The following ZFHX3 variants were observed in gnomAD, a reference collection of about 807,000 sequenced individuals.
The protein encoded by ZFHX3 is zinc finger homeobox 3.
Under a neutral mutation model 279.1 loss-of-function variants are expected in ZFHX3, and 42 were observed. The observed-to-expected ratio is 0.15, with a 90% CI of 0.12 to 0.19. ZFHX3 has a LOEUF of 0.19. Among genes scored for constraint, ZFHX3 ranks in the 10% least tolerant of loss-of-function variants. The pLI is 1.00. For missense variants in ZFHX3, 4,981 were observed against 4,754.0 expected, an observed-to-expected ratio of 1.05 and a Z score of -1.40; for synonymous variants, 2,293 against 1,957.8, an observed-to-expected ratio of 1.17 and a Z score of -4.52.
At chr16:73,214,341 A>G (rs1028291103) in intron 5 of ZFHX3, among the ~76,000 whole-genome samples, 5 of 152,164 alleles carry the variant, frequency 3.3e-5, no homozygotes, top group African/African-American at 1.2e-4. Context: ...AGTGTGAGCT[A>G]TGGGGTGCCC....
chr16:72,979,118 G>A (rs891177309), intron 1 of ZFHX3, among the ~76,000 whole-genome samples: 1 of 152,028 alleles, frequency 6.6e-6, no homozygotes, highest in African/African-American at 2.4e-5. Context: ...AGAGAGCGTG[G>A]AGCACATGTG....
intron 1 of ZFHX3, among the ~76,000 whole-genome samples, chr16:73,853,533 A>T (rs1286816701): frequency 6.6e-6 from 1 of 152,248 alleles, no homozygotes; most frequent in African/African-American, 2.4e-5. Flanking sequence ...TTGCAGCAAC[A>T]TGGATGGAAC....
chr16:73,819,321 G>C (rs985666064), intron 1 of ZFHX3, among the ~76,000 whole-genome samples: 4 of 150,608 alleles, frequency 2.7e-5, no homozygotes, highest in Non-Finnish European at 4.4e-5. Context: ...ATCATCTCTA[G>C]TTTCTGCCTA....
chr16:73,513,137 A>G (rs1262840752), intron 2 of ZFHX3, among the ~76,000 whole-genome samples: 1 of 152,194 alleles, frequency 6.6e-6, no homozygotes, highest in Non-Finnish European at 1.5e-5. Flanking sequence ...CTCTGCACAT[A>G]GATGAAAAGC....
At chr16:73,383,023 AG>A (rs1171095458) in intron 3 of ZFHX3, among the ~76,000 whole-genome samples, 1 of 152,200 alleles carries the variant, frequency 6.6e-6, no homozygotes. Flanking sequence ...CTGAGAAGGA[AG>A]GGGGATCCTA....
chr16:73,623,271 C>G (rs1276776473), intron 2 of ZFHX3, among the ~76,000 whole-genome samples: 3 of 152,108 alleles, frequency 2.0e-5, no homozygotes, highest in Admixed American at 2.0e-4. Flanking sequence ...CTCCTGACCT[C>G]GTGATCCGCC....
chr16:73,391,797 C>T (rs2017017660), intron 3 of ZFHX3, among the ~76,000 whole-genome samples: 2 of 152,050 alleles, frequency 1.3e-5, no homozygotes, highest in Non-Finnish European at 2.9e-5. Context: ...CATAAGAAGA[C>T]AAAATTAGTA....
At chr16:73,302,900 G>C (rs2015089505) in intron 4 of ZFHX3, among the ~76,000 whole-genome samples, 1 of 152,208 alleles carries the variant, frequency 6.6e-6, no homozygotes, top group Non-Finnish European at 1.5e-5. Flanking sequence ...TATTTGCTTT[G>C]AGCAGGTGGC....
At chr16:73,321,878 A>G (rs2143199261) in intron 3 of ZFHX3, among the ~76,000 whole-genome samples, 1 of 152,352 alleles carries the variant, frequency 6.6e-6, no homozygotes, top group Middle Eastern at 3.4e-3. Flanking sequence ...TGAGAGAGAA[A>G]GAGGGAAACC....
chr16:73,176,776 T>G (rs997350886), intron 5 of ZFHX3, among the ~76,000 whole-genome samples: 2 of 152,038 alleles, frequency 1.3e-5, no homozygotes, highest in African/African-American at 4.8e-5. Flanking sequence ...GTCTTCTTCT[T>G]GATGTGCTGG....
chr16:73,205,765 A>G (rs981578223), intron 5 of ZFHX3, among the ~76,000 whole-genome samples: 1 of 152,246 alleles, frequency 6.6e-6, no homozygotes, highest in Non-Finnish European at 1.5e-5. Flanking sequence ...CATCATTCTA[A>G]AAGAGATCAT....
intron 2 of ZFHX3, among the ~76,000 whole-genome samples, chr16:73,660,441 A>T (rs2052769525): frequency 6.6e-6 from 1 of 152,194 alleles, no homozygotes; most frequent in Admixed American, 6.5e-5. Context: ...CACAGAAGAA[A>T]ATGGTTTTTA....
intron 1 of ZFHX3, among the ~76,000 whole-genome samples, chr16:73,016,205 G>T (rs1418898443): frequency 2.0e-5 from 3 of 152,126 alleles, no homozygotes; most frequent in Non-Finnish European, 4.4e-5. Flanking sequence ...ACTCCTGCAT[G>T]TTTGTTGCCA....
intron 1 of ZFHX3, among the ~76,000 whole-genome samples, chr16:73,002,296 G>A (rs1384675562): frequency 6.6e-6 from 1 of 152,098 alleles, no homozygotes; most frequent in Non-Finnish European, 1.5e-5. Context: ...TTCTCTTTTG[G>A]CACACCAAGA....
At chr16:73,855,703 A>G (rs769435968) in intron 1 of ZFHX3, among the ~76,000 whole-genome samples, 1 of 152,240 alleles carries the variant, frequency 6.6e-6, no homozygotes, top group Non-Finnish European at 1.5e-5. Context: ...TAGGACTTAA[A>G]GAACAAAACT....
chr16:73,489,836 T>A (rs2019030309), intron 2 of ZFHX3, among the ~76,000 whole-genome samples: 4 of 152,194 alleles, frequency 2.6e-5, no homozygotes. Flanking sequence ...AAGCTCATAG[T>A]AATTGTAACA....
rs1422456774 is a variant in ZFHX3, at chr16:73,472,390, G to A, written c.-1546-16132C>T. The stretch of plus-strand genomic sequence containing the variant: ...TGGCTTGGTAAAACTAAGAAACTCA[G>A]TACTGGCAGGCTGTTGCCCATGCTG... On this transcript the variant is annotated intron_variant, in intron 2 of 17. Transcript: ENST00000641206. 3.3e-5 allele frequency among the ~76,000 whole-genome samples: 5 copies of A among 152,020 alleles called. No individual in the cohort carries two copies. The East Asian group carries it at 7.7e-4, about 23-fold the overall frequency.
chr16:73,457,823 A>G (rs1324372483), intron 2 of ZFHX3, among the ~76,000 whole-genome samples: 1 of 152,238 alleles, frequency 6.6e-6, no homozygotes, highest in Non-Finnish European at 1.5e-5. Context: ...TACCTACTTC[A>G]TGGTGATGAC....
chr16:73,816,456 G>T (rs2142343156), intron 1 of ZFHX3, among the ~76,000 whole-genome samples: 1 of 152,232 alleles, frequency 6.6e-6, no homozygotes, highest in Non-Finnish European at 1.5e-5. Flanking sequence ...TTGGAACACA[G>T]CCACTCATTC....
Sources: allele counts gnomAD v4.1 joint callset (sites outside exome capture counted in the v4.1 genomes callset), GRCh38; gene constraint gnomAD v4.1.1; transcripts MANE v1.5; gene names NCBI Gene and HGNC (gene_info 2026-07-23, HGNC 2026-07-21).